The following SGK1 variants were observed in gnomAD, a reference collection of about 807,000 sequenced individuals.
SGK1 encodes serum/glucocorticoid regulated kinase 1, also known as serine/threonine-protein kinase Sgk1.
SGK1 carries 26 observed loss-of-function variants against 64.2 expected under a neutral mutation model. That is an observed-to-expected ratio of 0.40 (90% CI 0.30 to 0.56). The LOEUF is 0.56. SGK1 is among the 20% of genes least tolerant of loss of function. SGK1 has a pLI of 0.38. For synonymous variants in SGK1, 265 were observed against 239.7 expected, an observed-to-expected ratio of 1.11 and a Z score of -0.98; for missense variants, 519 against 645.6, an observed-to-expected ratio of 0.80 and a Z score of 2.12.
intron 3 of SGK1, among the ~76,000 whole-genome samples, chr6:134,195,189 G>GA (rs1357751546): frequency 1.7e-4 from 26 of 152,162 alleles, no homozygotes; most frequent in Non-Finnish European, 2.4e-4. Context: ...AATACTGCCT[G>GA]AAAATAGTTT....
intron 11 of SGK1, 180 bp from the exon 12 acceptor site, chr6:134,171,358 TTG>T (rs113274174): frequency 1.6e-3 from 963 of 610,116 alleles, no homozygotes; most frequent in Middle Eastern, 2.3e-3. Context: ...GTGTGTGTGT[TTG>T]TGTGTGTGTG....
chr6:134,205,786 A>G (rs757793538), intron 3 of SGK1, among the ~76,000 whole-genome samples: 12 of 152,232 alleles, frequency 7.9e-5, no homozygotes, highest in Non-Finnish European at 1.8e-4. Context: ...CTCCTTGTAA[A>G]AGCGTGAGGC....
chr6:134,249,988 C>T lies in SGK1; in HGVS notation c.285+11945G>A, dbSNP rs149818836. ...AACCTCTGCTCCCCACGTTACTTAA[C>T]TAGAGAGCTACCTATCTGCTACTCA... On this transcript the variant is annotated intron_variant, in intron 2 of 13. Transcript: ENST00000367858. Among the ~76,000 whole-genome samples, 217 of 152,298 alleles carry T rather than the reference C, an allele frequency of 1.4e-3. 1 individual carries two copies. The highest frequency in any genetic ancestry group is 5.2e-3 in the Admixed American group (79 of 15,288).
intron 1 of SGK1, among the ~76,000 whole-genome samples, chr6:134,313,316 G>A (rs1293786082): frequency 1.3e-5 from 2 of 152,082 alleles, no homozygotes; most frequent in South Asian, 2.1e-4. Flanking sequence ...ACCAGCCAGG[G>A]CAACATAGTG....
At chr6:134,298,457 C>T (rs1431228564) in intron 1 of SGK1, 5 of 846,116 alleles carry the variant, frequency 5.9e-6, no homozygotes, top group Non-Finnish European at 1.0e-5. Flanking sequence ...TGTTGGGATC[C>T]ACCTCCAGAT....
intron 2 of SGK1, among the ~76,000 whole-genome samples, chr6:134,212,424 A>C (rs1775907628): frequency 6.6e-6 from 1 of 152,102 alleles, no homozygotes; most frequent in African/African-American, 2.4e-5. Context: ...TAATATCTCA[A>C]ATATTTGAAA....
intron 2 of SGK1, among the ~76,000 whole-genome samples, chr6:134,221,652 A>ATT (rs200019836): frequency 2.1e-5 from 3 of 143,880 alleles, no homozygotes; most frequent in Non-Finnish European, 3.1e-5. Flanking sequence ...GGCACATATA[A>ATT]TTTTTTTTTT....
At chr6:134,216,065 T>C (rs1471789376) in intron 2 of SGK1, among the ~76,000 whole-genome samples, 1 of 151,468 alleles carries the variant, frequency 6.6e-6, no homozygotes, top group Non-Finnish European at 1.5e-5. Context: ...TATTCACGTA[T>C]GCATAAATTT....
intron 3 of SGK1, among the ~76,000 whole-genome samples, chr6:134,191,548 A>ATGT: frequency 6.6e-6 from 1 of 152,234 alleles, no homozygotes; most frequent in Non-Finnish European, 1.5e-5. Context: ...CTATCAGCGA[A>ATGT]ATGAACATGT....
In SGK1 at chr6:134,174,938, GGCCCCGCCCTTCGCCTCGCCCCTC is replaced by G. The variant is rs1243875124; in HGVS notation, c.362-376_362-353del. On this transcript the variant is annotated intron_variant, in intron 3 of 13. Coordinates refer to ENST00000367858, the MANE Select transcript of SGK1 (RefSeq NM_001143676.3). ...CGGGGCCTGCGCGACAGTGAGAAGT[GGCCCCGCCCTTCGCCTCGCCCCTC>G]GCCCCGCCCCGGCCGCCTCGCGGTT... 2.0e-5 allele frequency: 30 copies of G among 1,483,750 alleles called. No individual in the cohort carries two copies. The African/African-American group carries it at 3.4e-4, about 17-fold the overall frequency. 91.9% of individuals were successfully genotyped at this position (1,483,750 alleles called of 1,614,324 possible).
intron 1 of SGK1, among the ~76,000 whole-genome samples, chr6:134,293,190 C>T (rs756607882): frequency 6.6e-6 from 1 of 152,146 alleles, no homozygotes; most frequent in African/African-American, 2.4e-5. Context: ...CTGTACAAAT[C>T]TCACTATTAC....
At chr6:134,283,358 G>A (rs1186156214) in intron 1 of SGK1, among the ~76,000 whole-genome samples, 1 of 152,064 alleles carries the variant, frequency 6.6e-6, no homozygotes, top group Non-Finnish European at 1.5e-5. Flanking sequence ...GGGCGTGGTG[G>A]CACGTGCCTG....
At chr6:134,231,727 G>A (rs1260310006) in intron 2 of SGK1, among the ~76,000 whole-genome samples, 1 of 152,148 alleles carries the variant, frequency 6.6e-6, no homozygotes, top group Non-Finnish European at 1.5e-5. Flanking sequence ...TATTTACATG[G>A]TATCTATAAA....
At chr6:134,273,856 G>A (rs939054894) in intron 1 of SGK1, among the ~76,000 whole-genome samples, 3 of 151,938 alleles carry the variant, frequency 2.0e-5, no homozygotes, top group East Asian at 1.9e-4. Context: ...ATGGGGTCTC[G>A]CTGTGTTGCC....
chr6:134,274,949 C>T (rs1218495514), intron 1 of SGK1, among the ~76,000 whole-genome samples: 5 of 152,138 alleles, frequency 3.3e-5, no homozygotes, highest in Middle Eastern at 3.4e-3. Context: ...GGATTACAGG[C>T]CTGCACCACC....
intron 2 of SGK1, among the ~76,000 whole-genome samples, chr6:134,228,944 C>T (rs1264163516): frequency 1.3e-5 from 2 of 150,988 alleles, no homozygotes; most frequent in Admixed American, 1.3e-4. Flanking sequence ...TCCGGGTTCA[C>T]GCCATTCTCC....
At chr6:134,187,401 G>A (rs1345128122) in intron 3 of SGK1, among the ~76,000 whole-genome samples, 1 of 152,204 alleles carries the variant, frequency 6.6e-6, no homozygotes, top group South Asian at 2.1e-4. Context: ...AGGGGGAATA[G>A]TGAGTGGTGC....
chr6:134,191,730 G>A (rs540920635), intron 3 of SGK1, among the ~76,000 whole-genome samples: 33 of 150,884 alleles, frequency 2.2e-4, no homozygotes, highest in Non-Finnish European at 4.0e-4. Context: ...GTGCAGTGGC[G>A]TGATCTCGGC....
At chr6:134,302,849 G>T (rs1233446980) in intron 1 of SGK1, among the ~76,000 whole-genome samples, 1 of 151,852 alleles carries the variant, frequency 6.6e-6, no homozygotes, top group Admixed American at 6.6e-5. Flanking sequence ...CCACCTCCCG[G>T]GTTCAAGCAA....
Sources: allele counts gnomAD v4.1 joint callset (sites outside exome capture counted in the v4.1 genomes callset), GRCh38; gene constraint gnomAD v4.1.1; transcripts MANE v1.5; gene names NCBI Gene and HGNC (gene_info 2026-07-23, HGNC 2026-07-21).